Variants in FBXO34 observed in about 807,000 individuals in gnomAD.
The protein encoded by FBXO34 is F-box only protein 34.
In FBXO34, 12 loss-of-function variants were observed where a neutral mutation model predicts 24.5. The observed-to-expected ratio is 0.49, with a 90% CI of 0.31 to 0.79. The LOEUF is 0.79. Among genes scored for constraint, FBXO34 ranks in the 30% least tolerant of loss-of-function variants. The pLI is 0.04. For synonymous variants in FBXO34, 320 were observed against 311.9 expected (o/e 1.03, Z -0.27); for missense variants, 823 against 857.7 (o/e 0.96, Z 0.51).
chr14:55,273,016 C>T lies in FBXO34; in HGVS notation c.-11+1479C>T, dbSNP rs1257760477. Among the ~76,000 whole-genome samples, 8 of 152,180 alleles carry T rather than the reference C, an allele frequency of 5.3e-5. No individual in the cohort carries two copies. In the East Asian group the frequency reaches 1.5e-3, roughly 29 times the overall value. ...TAGTGACCCTCTTCGGGTATTCCAGCATATCAGTACTTTTCATTTCCTCCT... is the reference window on the plus strand; with the variant it reads ...TAGTGACCCTCTTCGGGTATTCCAGTATATCAGTACTTTTCATTTCCTCCT... On this transcript the variant is annotated intron_variant, in intron 1 of 1. Coordinates refer to ENST00000313833, the MANE Select transcript of FBXO34 (RefSeq NM_017943.4).
At chr14:55,330,758 T>C (rs1883506586) in intron 1 of FBXO34, among the ~76,000 whole-genome samples, 1 of 152,182 alleles carries the variant, frequency 6.6e-6, no homozygotes, top group Non-Finnish European at 1.5e-5. Flanking sequence ...GCCACTGCAC[T>C]CGGCCTGGGC....
chr14:55,310,691 A>G (rs988954549), intron 1 of FBXO34, among the ~76,000 whole-genome samples: 14 of 152,220 alleles, frequency 9.2e-5, no homozygotes, highest in Non-Finnish European at 1.6e-4. Context: ...ATGATTCTAT[A>G]CCAAATCCAT....
the FBXO34 span, among the ~76,000 whole-genome samples, chr14:55,432,245 C>CAAAAAA: frequency 8.2e-6 from 1 of 122,008 alleles, no homozygotes; most frequent in Non-Finnish European, 1.7e-5. Context: ...CCCGTCTCTA[C>CAAAAAA]AAAAAAAAAA....
chr14:55,375,490 A>ATTTT, the FBXO34 span, among the ~76,000 whole-genome samples: 248 of 117,746 alleles, frequency 2.1e-3, no homozygotes, highest in African/African-American at 8.2e-3. Flanking sequence ...GCCGGGCTAA[A>ATTTT]TTTTTTTTTT....
At chr14:55,298,652 G>C in intron 1 of FBXO34, 2 of 1,512,478 alleles carry the variant, frequency 1.3e-6, no homozygotes, top group Non-Finnish European at 1.8e-6. Flanking sequence ...CGCTGTTCGG[G>C]GCTGGAGGGG....
intron 1 of FBXO34, among the ~76,000 whole-genome samples, chr14:55,341,275 G>T (rs1290801184): frequency 6.6e-6 from 1 of 152,202 alleles, no homozygotes; most frequent in African/African-American, 2.4e-5. Context: ...ATCACCTGGG[G>T]GATGGTGGAA....
intron 1 of FBXO34, among the ~76,000 whole-genome samples, chr14:55,347,917 A>G (rs1257091956): frequency 7.2e-5 from 11 of 152,222 alleles, no homozygotes; most frequent in East Asian, 1.9e-4. Flanking sequence ...GGGTTTTTCA[A>G]CACTTCCATT....
chr14:55,321,288 G>A (rs1011854912), intron 1 of FBXO34, among the ~76,000 whole-genome samples: 1 of 151,870 alleles, frequency 6.6e-6, no homozygotes, highest in Non-Finnish European at 1.5e-5. Flanking sequence ...AAAATGGCAC[G>A]TGCTTTACAC....
chr14:55,414,301 TAGA>T, the FBXO34 span: 6 of 1,101,106 alleles, frequency 5.4e-6, no homozygotes, highest in East Asian at 9.6e-5. Flanking sequence ...CAATTAAACG[TAGA>T]AGAATCCAGC....
At position 55,352,095 on chromosome 14, in the gene FBXO34, T is replaced by C. The variant is rs771979310; in HGVS notation, c.1705T>C (p.Leu569=). Residue 569 remains leucine, a synonymous_variant, in exon 2 of 2, where the codon TTG becomes CTG. Transcript: ENST00000313833. ...GACCAGGTTTAAAATCCAGCAGCTT[T>C]TGGAGCCTCAGCAGTACATGGCTTT... ...LETRFKIQQL[L]EPQQYMAFLP... 6.2e-7 allele frequency: 1 copy of C among 1,614,194 alleles called. No homozygotes were observed. Among genetic ancestry groups the C allele is most frequent in the Non-Finnish European group, 8.5e-7 (1 of 1,180,020 alleles).
rs748177614 is a variant in FBXO34, at chr14:55,352,017, C to A, written c.1627C>A (p.Pro543Thr). ...LPASSVESTL[P>T]VLEASSWKKQ... The stretch of plus-strand genomic sequence containing the variant: ...AGCCTCTTCTGTGGAAAGTACATTA[C>A]CAGTGCTTGAGGCATCCAGTTGGAA... Residue 543 changes from proline to threonine, a missense_variant, in exon 2 of 2, where the codon CCA (proline) becomes ACA (threonine). Around this residue, in one of 2 missense-constraint regions of FBXO34, gnomAD observed 693 missense variants for 659.1 expected, o/e 1.05. Coordinates refer to ENST00000313833, the MANE Select transcript of FBXO34 (RefSeq NM_017943.4). The A allele has an allele frequency of 8.7e-6, 14 of 1,614,054 alleles. No individual in the cohort carries two copies. Among genetic ancestry groups the A allele is most frequent in the Non-Finnish European group, 1.2e-5 (14 of 1,180,050 alleles).
the FBXO34 span, among the ~76,000 whole-genome samples, chr14:55,402,471 G>A: frequency 6.6e-6 from 1 of 152,116 alleles, no homozygotes; most frequent in African/African-American, 2.4e-5. Context: ...ATGTTTGAAG[G>A]CACCAATCAC....
At chr14:55,341,064 G>A (rs140469643) in intron 1 of FBXO34, among the ~76,000 whole-genome samples, 60 of 152,248 alleles carry the variant, frequency 3.9e-4, no homozygotes, top group East Asian at 1.5e-3. Flanking sequence ...CAGGACCATC[G>A]CGATAAGTAT....
chr14:55,409,587 C>G, the FBXO34 span, among the ~76,000 whole-genome samples: 1 of 151,958 alleles, frequency 6.6e-6, no homozygotes, highest in African/African-American at 2.4e-5. Context: ...GGAGGCAGCC[C>G]TGAAGATTTC....
the FBXO34 span, among the ~76,000 whole-genome samples, chr14:55,380,875 A>ATATATATATATT: frequency 6.2e-5 from 7 of 112,700 alleles, no homozygotes; most frequent in African/African-American, 1.5e-4. Context: ...ATATATATAT[A>ATATATATATATT]TTTTTTTTTT....
chr14:55,435,518 C>T, the FBXO34 span, among the ~76,000 whole-genome samples: 1 of 152,114 alleles, frequency 6.6e-6, no homozygotes, highest in Non-Finnish European at 1.5e-5. Context: ...TCGTGATCCA[C>T]CTGCCTCAGC....
chr14:55,316,233 A>C (rs541549146), intron 1 of FBXO34, among the ~76,000 whole-genome samples: 1 of 151,976 alleles, frequency 6.6e-6, no homozygotes, highest in Non-Finnish European at 1.5e-5. Context: ...TTGACTACAT[A>C]ATTTGCAGGG....
downstream of FBXO34, among the ~76,000 whole-genome samples, chr14:55,366,014 C>A (rs1884669368): frequency 6.6e-6 from 1 of 152,184 alleles, no homozygotes; most frequent in Non-Finnish European, 1.5e-5. Context: ...GTGGTTCCAA[C>A]ATTTCCCTTT....
chr14:55,416,246 G>A, the FBXO34 span, among the ~76,000 whole-genome samples: 8 of 152,218 alleles, frequency 5.3e-5, no homozygotes, highest in East Asian at 3.9e-4. Context: ...TGTTATGTGC[G>A]TTCACCTTAA....
Sources: gnomAD v4.1 joint callset for allele counts (sites outside exome capture counted in the v4.1 genomes callset) on GRCh38, gnomAD v4.1.1 for gene constraint, gnomAD v4.1.1 regional missense constraint, MANE v1.5 for transcripts, NCBI Gene and HGNC (gene_info 2026-07-23, HGNC 2026-07-21) for gene names.